Variants in OIT3 observed in about 807,000 individuals in gnomAD.
OIT3 encodes oncoprotein-induced transcript 3 protein.
A neutral mutation model predicts 52.2 loss-of-function variants in OIT3; 41 were observed. That is an observed-to-expected ratio of 0.79 (90% CI 0.61 to 1.02). The LOEUF (loss-of-function observed/expected upper bound fraction) is 1.02, where lower values mean the gene tolerates loss of function less well. OIT3 is among the 50% of genes least tolerant of loss of function. The probability of loss-of-function intolerance (pLI) is 0.00; values close to 1 mark genes in which losing one functional copy is unlikely to be tolerated. For missense variants in OIT3, 634 were observed against 715.5 expected (o/e 0.89, Z 1.30); for synonymous variants, 244 against 276.9 (o/e 0.88, Z 1.18).
intron 7 of OIT3, among the ~76,000 whole-genome samples, chr10:72,929,400 A>C (rs546376750): frequency 6.6e-6 from 1 of 152,076 alleles, no homozygotes; most frequent in Non-Finnish European, 1.5e-5. Context: ...GAATGGGAAA[A>C]ATAATATGAG....
chr10:72,918,729 A>ATT (rs1324978313), intron 6 of OIT3, among the ~76,000 whole-genome samples: 1 of 152,166 alleles, frequency 6.6e-6, no homozygotes, highest in Non-Finnish European at 1.5e-5. Context: ...CAGGTATCCC[A>ATT]GCACCGTTTC....
rs1846207702 is a variant in OIT3, at chr10:72,930,602, G to A, written c.1432G>A (p.Val478Ile). The A allele has an allele frequency of 2.5e-6, 4 of 1,613,132 alleles. No individual in the cohort carries two copies. Among genetic ancestry groups the A allele is most frequent in the Non-Finnish European group, 2.5e-6 (3 of 1,179,690 alleles). ...GGATCACCTAGCAAAGCACTTCCAG[G>A]TCCCTGTCTTCAAGTTTGTGGGCAA... ...SRDHLAKHFQ[V>I]PVFKFVGKDH... The change falls in exon 8 of 9, where the codon GTC (valine) becomes ATC (isoleucine). Residue 478 changes from valine to isoleucine, a missense_variant. By Grantham distance (29) the Val-to-Ile change is conservative. Coordinates refer to ENST00000334011, the MANE Select transcript of OIT3 (RefSeq NM_152635.3).
At chr10:72,899,742 T>C (rs904728642) in intron 2 of OIT3, among the ~76,000 whole-genome samples, 1 of 150,760 alleles carries the variant, frequency 6.6e-6, no homozygotes, top group African/African-American at 2.5e-5. Flanking sequence ...GATAGATAGA[T>C]AGATAGATAG....
At chr10:72,907,511 C>T (rs544487520) in intron 4 of OIT3, among the ~76,000 whole-genome samples, 1 of 152,158 alleles carries the variant, frequency 6.6e-6, no homozygotes, top group Non-Finnish European at 1.5e-5. Flanking sequence ...CCCAAACTTC[C>T]CTGCTGCTGA....
In OIT3 at chr10:72,913,485, G is replaced by C. The variant is rs754285336; in HGVS notation, c.951+17G>C. The C allele has an allele frequency of 3.1e-6, 5 of 1,592,320 alleles. No homozygotes were observed. In the African/African-American group the frequency reaches 4.0e-5, roughly 13 times the overall value. ...GTGGTCGATGTAGGTTCCTCCTGGA[G>C]GGCACTTGGGGAATGACCAAAAGCC... On this transcript the variant is annotated intron_variant, in intron 6 of 8. Coordinates refer to ENST00000334011, the MANE Select transcript of OIT3 (RefSeq NM_152635.3).
rs138509231 is a variant in OIT3, at chr10:72,898,848, C to G, written c.246C>G (p.Thr82=). 3.1e-6 allele frequency: 5 copies of G among 1,614,154 alleles called. No individual in the cohort carries two copies. The African/African-American group carries it at 5.3e-5, about 17-fold the overall frequency. The part of the protein sequence containing the change: ...TFCIPENHCG[T]HAPVWLNGSH... The stretch of plus-strand genomic sequence containing the variant: ...GCATACCAGAAAACCACTGTGGAAC[C>G]CACGCACCTGTCTGGCTCAATGGCA... Residue 82 remains threonine, a synonymous_variant, in exon 2 of 9, where the codon ACC becomes ACG. Transcript: ENST00000334011.
intron 3 of OIT3, 71 bp downstream of exon 3, chr10:72,900,555 C>A: frequency 1.3e-6 from 1 of 774,314 alleles, no homozygotes; most frequent in Admixed American, 2.4e-5. Context: ...CTTCCTGCCT[C>A]AGAGCACCAT....
chr10:72,902,415 C>T (rs1156831132), intron 3 of OIT3, among the ~76,000 whole-genome samples: 3 of 152,184 alleles, frequency 2.0e-5, no homozygotes, highest in Non-Finnish European at 4.4e-5. Flanking sequence ...CAGTCACCCT[C>T]TTGCCCCATT....
At chr10:72,918,079 G>C in intron 6 of OIT3, 1 of 1,203,814 alleles carries the variant, frequency 8.3e-7, no homozygotes, top group Non-Finnish European at 1.2e-6. Context: ...ACTTTTTTCT[G>C]TGGAACCTTG....
Position 72,913,309 on chromosome 10 carries a change from C to T in OIT3, c.792C>T (p.Val264=), listed in dbSNP as rs1846046078. ...VLSEDNHTCQ[V]PVLCKSNAIE... ...AACAGTGGCCCTTTTTCTCTGCAGT[C>T]CCTGTGTTGTGCAAATCAAATGCCA... is the stretch of plus-strand genomic sequence containing the variant. Residue 264 remains valine, a splice_region_variant and synonymous_variant, in exon 6 of 9, where the codon GTC becomes GTT. Coordinates refer to ENST00000334011, the MANE Select transcript of OIT3 (RefSeq NM_152635.3). 6.3e-7 allele frequency: 1 copy of T among 1,598,748 alleles called. No individual in the cohort carries two copies. The highest frequency in any genetic ancestry group is 1.7e-5 in the Admixed American group (1 of 59,320).
intron 4 of OIT3, among the ~76,000 whole-genome samples, chr10:72,907,127 G>A (rs888396759): frequency 6.6e-6 from 1 of 152,004 alleles, no homozygotes; most frequent in African/African-American, 2.4e-5. Context: ...ATAAAAATTA[G>A]TTGGGTATGG....
At chr10:72,906,478 G>A (rs1845979673) in intron 3 of OIT3, 118 bp from the exon 4 acceptor site, 1 of 1,073,800 alleles carries the variant, frequency 9.3e-7, no homozygotes, top group African/African-American at 1.6e-5. Flanking sequence ...CAGAGGGGGA[G>A]CTGGATGGTG....
At chr10:72,919,247 G>A (rs570787657) in intron 6 of OIT3, among the ~76,000 whole-genome samples, 15 of 152,040 alleles carry the variant, frequency 9.9e-5, no homozygotes, top group South Asian at 2.1e-4. Context: ...TTTGGCTCTC[G>A]GCTTGACTGT....
chr10:72,908,142 C>T (rs1164452717), intron 4 of OIT3, among the ~76,000 whole-genome samples: 1 of 152,038 alleles, frequency 6.6e-6, no homozygotes, highest in Admixed American at 6.5e-5. Context: ...ACTCAGGTGG[C>T]TGAGGCACAA....
chr10:72,928,329 C>T (rs962935037), intron 7 of OIT3, among the ~76,000 whole-genome samples: 2 of 152,176 alleles, frequency 1.3e-5, no homozygotes, highest in African/African-American at 4.8e-5. Flanking sequence ...TTCCATTATA[C>T]CCTTGTTACT....
At chr10:72,916,400 C>A (rs1294645420) in intron 6 of OIT3, among the ~76,000 whole-genome samples, 1 of 152,148 alleles carries the variant, frequency 6.6e-6, no homozygotes, top group Non-Finnish European at 1.5e-5. Flanking sequence ...CATTTAGCTC[C>A]CACTTATAAG....
intron 4 of OIT3, among the ~76,000 whole-genome samples, chr10:72,908,482 C>T (rs972134410): frequency 2.0e-5 from 3 of 152,036 alleles, no homozygotes; most frequent in African/African-American, 7.2e-5. Context: ...TGGCTACTGT[C>T]CATATTTTAT....
intron 1 of OIT3, 37 bp from the exon 2 acceptor site, chr10:72,898,627 C>A: frequency 6.4e-7 from 1 of 1,558,202 alleles, no homozygotes. Context: ...TGATCCGAAA[C>A]ACTCCAGGTA....
At chr10:72,910,428 G>A in intron 4 of OIT3, among the ~76,000 whole-genome samples, 1 of 151,966 alleles carries the variant, frequency 6.6e-6, no homozygotes, top group East Asian at 1.9e-4. Flanking sequence ...GGCCGAGGCG[G>A]GTAGATCACA....
Sources: gnomAD v4.1 joint callset for allele counts (sites outside exome capture counted in the v4.1 genomes callset) on GRCh38, gnomAD v4.1.1 for gene constraint, MANE v1.5 for transcripts, NCBI Gene and HGNC (gene_info 2026-07-23, HGNC 2026-07-21) for gene names.